The following SLC28A3 variants were observed in gnomAD, a reference collection of about 807,000 sequenced individuals.
SLC28A3 encodes solute carrier family 28 member 3, also known as concentrative Na(+)-nucleoside cotransporter 3.
In SLC28A3, 68 loss-of-function variants were observed where a neutral mutation model predicts 84.2. The ratio of observed to expected loss-of-function variants is 0.81; its 90% confidence interval spans 0.66 to 0.99. The LOEUF is 0.99. Ranked by LOEUF, SLC28A3 falls within the 50% of genes least tolerant of loss-of-function variation. The pLI, the probability that SLC28A3 is intolerant of heterozygous loss-of-function variation, is 0.00. For synonymous variants in SLC28A3, 267 were observed against 303.6 expected (o/e 0.88, Z 1.25); for missense variants, 712 against 841.5 (o/e 0.85, Z 1.90).
Position 84,294,176 on chromosome 9 carries a change from TC to T in SLC28A3, c.942+18del. 4 of 1,613,024 alleles carry T rather than the reference TC, an allele frequency of 2.5e-6. No homozygotes were observed. Among genetic ancestry groups the T allele is most frequent in the Non-Finnish European group, 3.4e-6 (4 of 1,179,214 alleles). ...AATCAGCTCTACACCTATAACCCAG[TC>T]CCTCCCAGCCCCAGTACCTTTCTAA... On this transcript the variant is annotated intron_variant, in intron 9 of 17. Coordinates refer to ENST00000376238, the MANE Select transcript of SLC28A3 (RefSeq NM_001199633.2).
the SLC28A3 span, among the ~76,000 whole-genome samples, chr9:84,367,910 C>T: frequency 1.3e-5 from 2 of 152,222 alleles, no homozygotes; most frequent in East Asian, 1.9e-4. Flanking sequence ...GTCGGCTTCA[C>T]ACGGAGACAT....
At chr9:84,280,367 G>C (rs143096378) in intron 15 of SLC28A3, among the ~76,000 whole-genome samples, 182 of 152,294 alleles carry the variant, frequency 1.2e-3, no homozygotes, top group African/African-American at 4.2e-3. Context: ...TGAGGTCATG[G>C]CAAGGCAAAA....
intron 1 of SLC28A3, among the ~76,000 whole-genome samples, chr9:84,338,377 CATACTT>C (rs1433618141): frequency 1.3e-5 from 2 of 152,180 alleles, no homozygotes; most frequent in Non-Finnish European, 2.9e-5. Context: ...AGGTAAGACT[CATACTT>C]ATTAACTTGG....
intron 7 of SLC28A3, 127 bp from the exon 8 acceptor site, chr9:84,297,425 G>A: frequency 1.4e-6 from 1 of 694,944 alleles, no homozygotes; most frequent in East Asian, 2.7e-5. Flanking sequence ...GAAAGTTAAT[G>A]TTCTCAGCTT....
intron 1 of SLC28A3, among the ~76,000 whole-genome samples, chr9:84,321,733 C>CAAAA (rs10707383): frequency 3.1e-5 from 2 of 65,096 alleles, no homozygotes; most frequent in Non-Finnish European, 6.2e-5. Context: ...GACTCCGTCT[C>CAAAA]AAAAAAAAAA....
At chr9:84,316,553 C>A (rs556818614) in intron 1 of SLC28A3, among the ~76,000 whole-genome samples, 2 of 152,226 alleles carry the variant, frequency 1.3e-5, no homozygotes, top group Non-Finnish European at 2.9e-5. Context: ...TTGGGAGGAA[C>A]TTGGGTCCCT....
chr9:84,305,218 A>T, intron 4 of SLC28A3, 36 bp downstream of exon 4: 1 of 1,501,576 alleles, frequency 6.7e-7, no homozygotes, highest in South Asian at 1.2e-5. Context: ...AAAAAAAAAA[A>T]AGACAGTGGT....
At chr9:84,360,188 C>T in the SLC28A3 span, among the ~76,000 whole-genome samples, 1 of 151,870 alleles carries the variant, frequency 6.6e-6, no homozygotes, top group Non-Finnish European at 1.5e-5. Flanking sequence ...CCATGGGAAG[C>T]CGCTGGGAGG....
intron 1 of SLC28A3, among the ~76,000 whole-genome samples, chr9:84,334,075 C>T (rs758917206): frequency 2.6e-5 from 4 of 152,138 alleles, no homozygotes; most frequent in African/African-American, 4.8e-5. Context: ...GAGGCCAAGG[C>T]GGGTGGATCA....
At chr9:84,341,663 T>C (rs1024220638), upstream of SLC28A3, among the ~76,000 whole-genome samples, 5 of 152,160 alleles carry the variant, frequency 3.3e-5, no homozygotes, top group African/African-American at 1.2e-4. Context: ...AATGCCGATA[T>C]GTGACAAGTA....
intron 8 of SLC28A3, among the ~76,000 whole-genome samples, chr9:84,295,981 G>A (rs2118231870): frequency 6.6e-6 from 1 of 152,326 alleles, no homozygotes; most frequent in South Asian, 2.1e-4. Context: ...AAAGCTTGAG[G>A]GAGTTAAAGA....
intron 10 of SLC28A3, among the ~76,000 whole-genome samples, chr9:84,292,382 TAAAC>T (rs1825258629): frequency 6.6e-6 from 1 of 152,148 alleles, no homozygotes; most frequent in Non-Finnish European, 1.5e-5. Context: ...ATCCTCTTCA[TAAAC>T]ATTCTCAAGA....
At chr9:84,285,324 G>T (rs1824938504) in intron 14 of SLC28A3, 21 bp downstream of exon 14, 1 of 1,610,072 alleles carries the variant, frequency 6.2e-7, no homozygotes, top group Non-Finnish European at 8.5e-7. Flanking sequence ...AATGTACTGA[G>T]AAATTAAAAT....
chr9:84,305,992 T>C (rs545297866), intron 3 of SLC28A3, among the ~76,000 whole-genome samples: 14 of 152,210 alleles, frequency 9.2e-5, no homozygotes, highest in African/African-American at 3.4e-4. Flanking sequence ...GTGGGTAGTG[T>C]GTGAGTAATG....
chr9:84,352,919 T>C, the SLC28A3 span, among the ~76,000 whole-genome samples: 1 of 146,882 alleles, frequency 6.8e-6, no homozygotes, highest in Non-Finnish European at 1.5e-5. Flanking sequence ...AAAAAAACCT[T>C]ATTAAGATGA....
chr9:84,348,174 G>A, the SLC28A3 span, among the ~76,000 whole-genome samples: 1 of 152,046 alleles, frequency 6.6e-6, no homozygotes, highest in Non-Finnish European at 1.5e-5. Flanking sequence ...TGTTTTAGAT[G>A]AGTATAACAT....
chr9:84,304,140 G>T (rs1825716439), intron 4 of SLC28A3, among the ~76,000 whole-genome samples: 1 of 152,236 alleles, frequency 6.6e-6, no homozygotes, highest in South Asian at 2.1e-4. Context: ...TTGGAATACA[G>T]CCATGTCTGT....
chr9:84,289,277 G>A (rs912436076), intron 11 of SLC28A3, among the ~76,000 whole-genome samples: 1 of 152,140 alleles, frequency 6.6e-6, no homozygotes, highest in African/African-American at 2.4e-5. Flanking sequence ...TCCGAGGCCT[G>A]GATGAAGACC....
At chr9:84,280,315 C>G (rs1238503894) in intron 15 of SLC28A3, among the ~76,000 whole-genome samples, 1 of 152,092 alleles carries the variant, frequency 6.6e-6, no homozygotes, top group African/African-American at 2.4e-5. Context: ...TCATTCTCCA[C>G]AGAAGAAAAA....
Sources: gnomAD v4.1 joint callset for allele counts (sites outside exome capture counted in the v4.1 genomes callset) on GRCh38, gnomAD v4.1.1 for gene constraint, MANE v1.5 for transcripts, NCBI Gene and HGNC (gene_info 2026-07-23, HGNC 2026-07-21) for gene names.